Variants in PTPRN2 observed in about 807,000 individuals in gnomAD.
PTPRN2 encodes protein tyrosine phosphatase receptor type N2.
Under a neutral mutation model 118.8 loss-of-function variants are expected in PTPRN2, and 74 were observed. The observed-to-expected ratio is 0.62, with a 90% CI of 0.52 to 0.76. The LOEUF (loss-of-function observed/expected upper bound fraction) is 0.76. Ranked by LOEUF, PTPRN2 falls within the 30% of genes least tolerant of loss-of-function variation. PTPRN2 has a pLI of 0.00. For synonymous variants in PTPRN2, 641 were observed against 608.0 expected, an observed-to-expected ratio of 1.05 and a Z score of -0.80; for missense variants, 1,481 against 1,394.4, an observed-to-expected ratio of 1.06 and a Z score of -0.99.
At chr7:157,577,429 G>T (rs1469486174) in intron 18 of PTPRN2, among the ~76,000 whole-genome samples, 2 of 152,162 alleles carry the variant, frequency 1.3e-5, no homozygotes, top group Non-Finnish European at 2.9e-5. Context: ...TCTAGTGCTG[G>T]CTTAATCACC....
At chr7:158,177,297 G>T (rs1169545009) in intron 5 of PTPRN2, among the ~76,000 whole-genome samples, 1 of 152,052 alleles carries the variant, frequency 6.6e-6, no homozygotes, top group Non-Finnish European at 1.5e-5. Context: ...TGAAGTGGTT[G>T]TTCTTTATGG....
chr7:158,224,195 G>A lies in PTPRN2; in HGVS notation c.278-18922C>T, dbSNP rs181123608. The stretch of plus-strand genomic sequence containing the variant: ...TGTCAACTCTCCCCAGATTGATACA[G>A]AGGTTTCACATAATTCCTATAAAAA... On this transcript the variant is annotated intron_variant, in intron 3 of 22. Coordinates refer to ENST00000389418, the MANE Select transcript of PTPRN2 (RefSeq NM_002847.5). 2.8e-3 allele frequency among the ~76,000 whole-genome samples: 428 copies of A among 152,284 alleles called. 5 individuals are homozygous for A. Among genetic ancestry groups the A allele is most frequent in the African/African-American group, 9.9e-3 (411 of 41,568 alleles).
chr7:158,493,172 CA>C (rs1213466076), intron 1 of PTPRN2, among the ~76,000 whole-genome samples: 3 of 152,354 alleles, frequency 2.0e-5, no homozygotes. Flanking sequence ...TCTGTATTCA[CA>C]GGGTATCCCT....
intron 2 of PTPRN2, among the ~76,000 whole-genome samples, chr7:158,398,580 T>C (rs530885363): frequency 1.0e-4 from 16 of 152,384 alleles, no homozygotes; most frequent in Non-Finnish European, 1.5e-4. Flanking sequence ...TTTTTAAACA[T>C]CATGCTTGCA....
chr7:157,540,699 C>A lies in PTPRN2; in HGVS notation c.*15G>T. On this transcript the variant is annotated 3_prime_UTR_variant, in exon 23 of 23. Coordinates refer to ENST00000389418, the MANE Select transcript of PTPRN2 (RefSeq NM_002847.5). ...CGTGGGGTGGGGGCTCCCCTGAGGC[C>A]CCTGAGGCTGCCGCTCACTGGGGAA... 6.5e-7 allele frequency: 1 copy of A among 1,543,296 alleles called. No homozygotes were observed. Among genetic ancestry groups the A allele is most frequent in the South Asian group, 1.2e-5 (1 of 83,918 alleles).
intron 14 of PTPRN2, among the ~76,000 whole-genome samples, chr7:157,643,197 G>C (rs1421893564): frequency 6.6e-6 from 1 of 152,178 alleles, no homozygotes; most frequent in Non-Finnish European, 1.5e-5. Flanking sequence ...TGTCTCGCTG[G>C]GGCCAGCATG....
At chr7:158,456,333 T>G (rs140960733) in intron 2 of PTPRN2, among the ~76,000 whole-genome samples, 3,030 of 146,250 alleles carry the variant, frequency 0.021, 31 homozygotes, top group Middle Eastern at 0.034. Flanking sequence ...CACCCATCGC[T>G]CTGCAGAGAA....
chr7:158,208,714 A>G (rs1389065700), intron 3 of PTPRN2, among the ~76,000 whole-genome samples: 1 of 152,218 alleles, frequency 6.6e-6, no homozygotes, highest in Non-Finnish European at 1.5e-5. Context: ...CTAAAGGTAC[A>G]AAACTCACTG....
chr7:157,876,944 G>A (rs928058840), intron 12 of PTPRN2, among the ~76,000 whole-genome samples: 7 of 152,206 alleles, frequency 4.6e-5, no homozygotes, highest in African/African-American at 1.4e-4. Context: ...TGCCCTGGAC[G>A]GCCTCGCTAG....
At position 157,729,951 on chromosome 7, in the gene PTPRN2, CA is replaced by C; in HGVS notation, c.1789-47015del. On this transcript the variant is annotated intron_variant, in intron 12 of 22. Coordinates refer to ENST00000389418, the MANE Select transcript of PTPRN2 (RefSeq NM_002847.5). The surrounding 1 kb of genome is among the most constrained non-coding windows in gnomAD (Gnocchi z 4.3). Reference sequence around the variant, plus strand: ...AGCATTGGATTCAGTGGGCCAGGAACAGGGCATTCTTCTCTCCAGGGAGCAG... The same window carrying C: ...AGCATTGGATTCAGTGGGCCAGGAACGGGCATTCTTCTCTCCAGGGAGCAG... 6.6e-6 allele frequency among the ~76,000 whole-genome samples: 1 copy of C among 152,328 alleles called. No homozygotes were observed. Among genetic ancestry groups the C allele is most frequent in the East Asian group, 1.9e-4 (1 of 5,184 alleles).
At chr7:158,158,045 G>A (rs1249968259) in intron 6 of PTPRN2, among the ~76,000 whole-genome samples, 1 of 151,848 alleles carries the variant, frequency 6.6e-6, no homozygotes, top group Non-Finnish European at 1.5e-5. Flanking sequence ...TGATTAGGTG[G>A]CCAATTCTCT....
rs983467449 is a variant in PTPRN2 at position 157,874,862 on chromosome 7, C to A, written c.1788+23811G>T. ...TCATGCACATATACACACGGAGACA[C>A]ACTCGTGCACATACACACACGGAGA... On this transcript the variant is annotated intron_variant, in intron 12 of 22. Coordinates refer to ENST00000389418, the MANE Select transcript of PTPRN2 (RefSeq NM_002847.5). This position sits in a 1 kb window ranked among gnomAD's most constrained non-coding sequence, Gnocchi z 5.8. Among the ~76,000 whole-genome samples, 1 of 152,016 alleles carries A rather than the reference C, an allele frequency of 6.6e-6. No individual in the cohort carries two copies. Among genetic ancestry groups the A allele is most frequent in the Non-Finnish European group, 1.5e-5 (1 of 67,978 alleles).
At chr7:158,348,284 C>T (rs1807671776) in intron 2 of PTPRN2, among the ~76,000 whole-genome samples, 1 of 145,300 alleles carries the variant, frequency 6.9e-6, no homozygotes, top group South Asian at 2.1e-4. Context: ...ATTCACAGCC[C>T]CAGAGCCACC....
intron 11 of PTPRN2, among the ~76,000 whole-genome samples, chr7:158,073,373 G>A (rs539211088): frequency 9.8e-5 from 15 of 152,292 alleles, no homozygotes; most frequent in East Asian, 9.7e-4. Context: ...CCAGGTGCCC[G>A]GGGGAGGGTG....
rs561194093 is a variant in PTPRN2, at chr7:157,584,382, C to A, written c.2497-6242G>T. Among the ~76,000 whole-genome samples, 6 of 152,212 alleles carry A rather than the reference C, an allele frequency of 3.9e-5. No homozygotes were observed. The South Asian group carries it at 1.2e-3, about 32-fold the overall frequency. ...CCTCCATGGCATCTAACAGATGCTT[C>A]ATTGAAAACAATTCACATTTCTAAG... On this transcript the variant is annotated intron_variant, in intron 17 of 22. Transcript: ENST00000389418.
intron 6 of PTPRN2, among the ~76,000 whole-genome samples, chr7:158,155,300 T>C (rs1378843044): frequency 6.6e-6 from 1 of 152,158 alleles, no homozygotes; most frequent in East Asian, 1.9e-4. Flanking sequence ...GCAGATAACC[T>C]CGCCACAACA....
chr7:157,665,397 A>C (rs898803929), intron 13 of PTPRN2, among the ~76,000 whole-genome samples: 1 of 152,212 alleles, frequency 6.6e-6, no homozygotes, highest in African/African-American at 2.4e-5. Flanking sequence ...AGAAAGGTAG[A>C]TGTAACCACA....
intron 2 of PTPRN2, among the ~76,000 whole-genome samples, chr7:158,423,595 A>T (rs1318797088): frequency 6.6e-6 from 1 of 151,678 alleles, no homozygotes; most frequent in Non-Finnish European, 1.5e-5. Flanking sequence ...GTGCAATGGC[A>T]CCATCTCAGC....
At chr7:157,814,412 G>T (rs1272075299) in intron 12 of PTPRN2, among the ~76,000 whole-genome samples, 1 of 151,944 alleles carries the variant, frequency 6.6e-6, no homozygotes, top group Non-Finnish European at 1.5e-5. Context: ...AAGGACAGGA[G>T]AACTGGCGCT....
Sources: gnomAD v4.1 joint callset for allele counts (sites outside exome capture counted in the v4.1 genomes callset) on GRCh38, gnomAD v4.1.1 for gene constraint, Gnocchi (gnomAD v3.1) non-coding constraint, MANE v1.5 for transcripts, NCBI Gene and HGNC (gene_info 2026-07-23, HGNC 2026-07-21) for gene names.